The following YIPF4 variants were observed in gnomAD, a reference collection of about 807,000 sequenced individuals.
YIPF4 encodes Yip1 domain family member 4, also known as protein YIPF4.
Under a neutral mutation model 29.4 loss-of-function variants are expected in YIPF4, and 18 were observed. The observed-to-expected ratio is 0.61, with a 90% CI of 0.42 to 0.91. The LOEUF (loss-of-function observed/expected upper bound fraction) is 0.91. Among genes scored for constraint, YIPF4 ranks in the 40% least tolerant of loss-of-function variants. YIPF4 has a pLI of 0.00. For synonymous variants in YIPF4, 115 were observed against 104.7 expected (o/e 1.10, Z -0.60); for missense variants, 279 against 282.7 (o/e 0.99, Z 0.09).
intron 5 of YIPF4, among the ~76,000 whole-genome samples, chr2:32,304,515 A>G (rs903869703): frequency 1.3e-5 from 2 of 152,086 alleles, no homozygotes; most frequent in African/African-American, 4.8e-5. Flanking sequence ...CCTGTATACC[A>G]GTGATTCTCA....
rs1375941385 is a variant in YIPF4, at chr2:32,315,658, T to G, written c.*10032T>G. ...CAGCTACTGAGGCAGGAGAGTGGCATGAACCCGGGAGGCGGAGATTGCAGT... is the reference window on the plus strand; with the variant it reads ...CAGCTACTGAGGCAGGAGAGTGGCAGGAACCCGGGAGGCGGAGATTGCAGT... On this transcript the variant is annotated 3_prime_UTR_variant, in exon 6 of 6. Coordinates refer to ENST00000238831, the MANE Select transcript of YIPF4 (RefSeq NM_032312.4). 6.6e-6 allele frequency: 1 copy of G among 151,656 alleles called. No homozygotes were observed. The highest frequency in any genetic ancestry group is 2.4e-5 in the African/African-American group (1 of 41,156). The allele number at this position is 151,656 out of a possible 1,614,324, so 9.4% of individuals were successfully genotyped here.
At chr2:32,298,871 T>G (rs1022600609) in intron 4 of YIPF4, among the ~76,000 whole-genome samples, 24 of 151,800 alleles carry the variant, frequency 1.6e-4, no homozygotes, top group African/African-American at 5.6e-4. Flanking sequence ...ATTTATTTAT[T>G]TATTTATTAT....
intron 3 of YIPF4, among the ~76,000 whole-genome samples, chr2:32,292,911 TG>T (rs1222098709): frequency 1.3e-5 from 2 of 148,696 alleles, no homozygotes; most frequent in African/African-American, 4.9e-5. Flanking sequence ...TATGGCACAC[TG>T]GGGTAAATGA....
At chr2:32,290,363 A>G (rs1395346949) in intron 1 of YIPF4, 120 bp from the exon 2 acceptor site, 5 of 623,500 alleles carry the variant, frequency 8.0e-6, no homozygotes, top group Non-Finnish European at 9.6e-6. Flanking sequence ...ATTATATGCA[A>G]TAGCAGATGT....
chr2:32,301,546 G>C, intron 5 of YIPF4, 51 bp downstream of exon 5: 1 of 1,258,678 alleles, frequency 7.9e-7, no homozygotes, highest in Non-Finnish European at 1.2e-6. Flanking sequence ...AATGTCAAAA[G>C]TATACTAGGC....
chr2:32,300,363 G>A (rs1046440257), intron 4 of YIPF4, among the ~76,000 whole-genome samples: 2 of 151,974 alleles, frequency 1.3e-5, no homozygotes, highest in African/African-American at 4.8e-5. Flanking sequence ...GAACCCGGGA[G>A]GCGGAGGTTG....
intron 5 of YIPF4, 40 bp downstream of exon 5, chr2:32,301,535 C>G (rs768153459): frequency 4.4e-5 from 63 of 1,415,844 alleles, no homozygotes; most frequent in Non-Finnish European, 6.1e-5. Context: ...TACTGTTTTC[C>G]AATGTCAAAA....
rs1488279644 is a variant in YIPF4, at chr2:32,310,236, C to CT, written c.*4611dup. ...TACAGCCAGGCATGGTGGCTCATGC[C>CT]TGTAATCCCAGAACTTTGGGAGGCC... is the stretch of plus-strand genomic sequence containing the variant. On this transcript the variant is annotated 3_prime_UTR_variant, in exon 6 of 6. Transcript: ENST00000238831. The CT allele has an allele frequency of 3.9e-5, 6 of 152,234 alleles. No individual in the cohort carries two copies. The highest frequency in any genetic ancestry group is 1.4e-4 in the African/African-American group (6 of 41,532). The allele number at this position is 152,234 out of a possible 1,614,324, so 9.4% of individuals were successfully genotyped here. A position where few individuals can be genotyped will look rare whatever the true frequency, so the allele number is the denominator to read the frequency against.
At position 32,310,853 on chromosome 2, in the gene YIPF4, G is replaced by A. The variant is rs566790192; in HGVS notation, c.*5227G>A. The A allele has an allele frequency of 6.6e-6, 1 of 152,262 alleles. No individual in the cohort carries two copies. The highest frequency in any genetic ancestry group is 1.9e-4 in the East Asian group (1 of 5,184). The allele number at this position is 152,262 out of a possible 1,614,324, so 9.4% of individuals were successfully genotyped here. A position where few individuals can be genotyped will look rare whatever the true frequency, so the allele number is the denominator to read the frequency against. On this transcript the variant is annotated 3_prime_UTR_variant, in exon 6 of 6. Coordinates refer to ENST00000238831, the MANE Select transcript of YIPF4 (RefSeq NM_032312.4). Reference sequence around the variant, plus strand: ...ATCACACCACTGCATGCCAGCCTGGGCGACAGAGTGAGACCCTGTCTCAGA... The same window carrying A: ...ATCACACCACTGCATGCCAGCCTGGACGACAGAGTGAGACCCTGTCTCAGA...
rs1361172257 is a variant in YIPF4, at chr2:32,309,641, G to A, written c.*4015G>A. The A allele has an allele frequency of 6.7e-6, 1 of 149,076 alleles. No individual in the cohort carries two copies. Among genetic ancestry groups the A allele is most frequent in the Non-Finnish European group, 1.5e-5 (1 of 67,526 alleles). The allele number at this position is 149,076 out of a possible 1,614,324, so 9.2% of individuals were successfully genotyped here. On this transcript the variant is annotated 3_prime_UTR_variant, in exon 6 of 6. Coordinates refer to ENST00000238831, the MANE Select transcript of YIPF4 (RefSeq NM_032312.4). The stretch of plus-strand genomic sequence containing the variant: ...CTTCTAAATATTCATTTTTGTTAGT[G>A]CACATTTTATCCAGTTTTAGGCTTT...
At chr2:32,278,404 A>T (rs2030211067) in intron 1 of YIPF4, among the ~76,000 whole-genome samples, 170 bp downstream of exon 1, 2 of 152,100 alleles carry the variant, frequency 1.3e-5, no homozygotes, top group Admixed American at 6.5e-5. Context: ...CGAAGGACGG[A>T]GGGAGGGGTG....
At position 32,305,825 on chromosome 2, in the gene YIPF4, A is replaced by G. The variant is rs1020481871; in HGVS notation, c.*199A>G. On this transcript the variant is annotated 3_prime_UTR_variant, in exon 6 of 6. Coordinates refer to ENST00000238831, the MANE Select transcript of YIPF4 (RefSeq NM_032312.4). ...CAGTTATCTGGGATTTTTGGGTCAG[A>G]ATTTTAAATTCTGTTTGATTCTCCA... The G allele has an allele frequency of 1.5e-5, 18 of 1,206,056 alleles. No homozygotes were observed. In the African/African-American group the frequency reaches 2.7e-4, roughly 18 times the overall value. 74.7% of individuals were successfully genotyped at this position (1,206,056 alleles called of 1,614,324 possible).
At chr2:32,288,457 C>A (rs2030774717) in intron 1 of YIPF4, among the ~76,000 whole-genome samples, 1 of 152,096 alleles carries the variant, frequency 6.6e-6, no homozygotes, top group South Asian at 2.1e-4. Flanking sequence ...AACTGCAAAA[C>A]CTCTAATGTC....
intron 3 of YIPF4, among the ~76,000 whole-genome samples, chr2:32,292,795 C>A (rs1445941348): frequency 6.7e-6 from 1 of 148,802 alleles, no homozygotes; most frequent in Non-Finnish European, 1.5e-5. Flanking sequence ...ACCCGGGAGG[C>A]CGAGGTTGCA....
intron 5 of YIPF4, 142 bp downstream of exon 5, chr2:32,301,637 T>C: frequency 1.8e-6 from 1 of 542,864 alleles, no homozygotes; most frequent in Non-Finnish European, 3.2e-6. Context: ...TTACTGATTT[T>C]GCCAGTTATA....
chr2:32,301,302 G>A, intron 4 of YIPF4, 80 bp from the exon 5 acceptor site: 2 of 825,052 alleles, frequency 2.4e-6, no homozygotes, highest in Non-Finnish European at 2.0e-6. Flanking sequence ...AATACAGCAA[G>A]GAATATATGG....
At chr2:32,285,157 T>A (rs1414390681) in intron 1 of YIPF4, among the ~76,000 whole-genome samples, 1 of 152,072 alleles carries the variant, frequency 6.6e-6, no homozygotes, top group East Asian at 1.9e-4. Flanking sequence ...TTAAAAATAT[T>A]TAGAGGTAAA....
intron 1 of YIPF4, among the ~76,000 whole-genome samples, chr2:32,289,844 A>T (rs1024418666): frequency 6.6e-6 from 1 of 152,202 alleles, no homozygotes; most frequent in African/African-American, 2.4e-5. Flanking sequence ...AAAACTGAAG[A>T]TGAATGATGT....
intron 3 of YIPF4, among the ~76,000 whole-genome samples, chr2:32,297,249 G>T (rs59398369): frequency 0.038 from 5,812 of 151,682 alleles, 237 homozygotes; most frequent in African/African-American, 0.1. Flanking sequence ...CTCAGCCTCC[G>T]GAATAGCTGG....
Sources: gnomAD v4.1 joint callset for allele counts (sites outside exome capture counted in the v4.1 genomes callset) on GRCh38, gnomAD v4.1.1 for gene constraint, MANE v1.5 for transcripts, NCBI Gene and HGNC (gene_info 2026-07-23, HGNC 2026-07-21) for gene names.